The following SLC16A10 variants were observed in gnomAD, a reference collection of about 807,000 sequenced individuals.
The protein encoded by SLC16A10 is solute carrier family 16 member 10.
In SLC16A10, 27 loss-of-function variants were observed where a neutral mutation model predicts 40.0. The observed-to-expected ratio is 0.67, with a 90% CI of 0.50 to 0.93. SLC16A10 has a LOEUF of 0.93. SLC16A10 is among the 40% of genes least tolerant of loss of function. The probability of loss-of-function intolerance (pLI) is 0.00; values close to 1 mark genes in which losing one functional copy is unlikely to be tolerated. For missense variants in SLC16A10, 529 were observed against 658.2 expected (o/e 0.80, Z 2.15); for synonymous variants, 213 against 249.8 (o/e 0.85, Z 1.39).
intron 1 of SLC16A10, among the ~76,000 whole-genome samples, chr6:111,124,206 A>G (rs1347240700): frequency 6.6e-6 from 1 of 152,134 alleles, no homozygotes. Flanking sequence ...GGCCATAGAA[A>G]TATAGGGAAC....
chr6:111,172,290 G>C (rs1772599778), intron 1 of SLC16A10, among the ~76,000 whole-genome samples: 1 of 152,132 alleles, frequency 6.6e-6, no homozygotes, highest in African/African-American at 2.4e-5. Flanking sequence ...TTACAGACTT[G>C]ATTTCCTCAG....
chr6:111,221,173 A>ATAC, intron 5 of SLC16A10, among the ~76,000 whole-genome samples: 3 of 152,220 alleles, frequency 2.0e-5, no homozygotes, highest in Non-Finnish European at 4.4e-5. Context: ...TAAAAACACT[A>ATAC]AGATAACTTT....
intron 2 of SLC16A10, among the ~76,000 whole-genome samples, chr6:111,173,983 C>G (rs1408816228): frequency 6.6e-6 from 1 of 152,136 alleles, no homozygotes. Context: ...AGAAAAGACA[C>G]AGTGCACTGA....
At chr6:111,101,968 A>G (rs1003076544) in intron 1 of SLC16A10, among the ~76,000 whole-genome samples, 1 of 152,220 alleles carries the variant, frequency 6.6e-6, no homozygotes, top group African/African-American at 2.4e-5. Context: ...TCTGTTTTTC[A>G]GTAAACGTTT....
intron 5 of SLC16A10, among the ~76,000 whole-genome samples, chr6:111,221,011 T>C (rs1052699095): frequency 2.6e-5 from 4 of 152,214 alleles, no homozygotes; most frequent in African/African-American, 9.7e-5. Context: ...CTATTTTATA[T>C]ATGCAGAATG....
intron 1 of SLC16A10, among the ~76,000 whole-genome samples, chr6:111,163,432 G>A (rs1228381015): frequency 2.6e-5 from 4 of 152,048 alleles, no homozygotes; most frequent in Non-Finnish European, 4.4e-5. Flanking sequence ...GATTACAGGC[G>A]TGAGCCACCG....
intron 1 of SLC16A10, chr6:111,091,391 G>A (rs1770972603): frequency 6.6e-6 from 1 of 152,074 alleles, no homozygotes; most frequent in African/African-American, 2.4e-5. Flanking sequence ...CTGCAAATAC[G>A]ATGTTTTTTA....
At chr6:111,161,836 AT>A (rs1451629921) in intron 1 of SLC16A10, among the ~76,000 whole-genome samples, 3 of 151,582 alleles carry the variant, frequency 2.0e-5, no homozygotes, top group Non-Finnish European at 4.4e-5. Context: ...CTTTGGTCTT[AT>A]TTTCCCAAAC....
intron 1 of SLC16A10, among the ~76,000 whole-genome samples, chr6:111,118,773 T>G (rs1354831423): frequency 6.6e-6 from 1 of 150,406 alleles, no homozygotes; most frequent in African/African-American, 2.4e-5. Context: ...CTCAAAGCAG[T>G]TGAGAATAGG....
intron 4 of SLC16A10, among the ~76,000 whole-genome samples, chr6:111,217,533 T>TC (rs1216903708): frequency 6.6e-6 from 1 of 152,136 alleles, no homozygotes; most frequent in East Asian, 1.9e-4. Flanking sequence ...CACTGCAAGC[T>TC]CCACCCCCCG....
chr6:111,225,858 T>TA lies in SLC16A10; in HGVS notation c.*3623_*3624insA, dbSNP rs1770987019. ...TCTTCTTACATTATTCTTATCCTCA[T>TA]CATTTTTTCATTTCCCTTTACTTCC... On this transcript the variant is annotated 3_prime_UTR_variant, in exon 6 of 6. Transcript: ENST00000368851. 1 of 152,200 alleles carries TA rather than the reference T, an allele frequency of 6.6e-6. No individual in the cohort carries two copies. The allele number at this position is 152,200 out of a possible 1,614,324, so 9.4% of individuals were successfully genotyped here. A position where few individuals can be genotyped will look rare whatever the true frequency, so the allele number is the denominator to read the frequency against.
intron 1 of SLC16A10, among the ~76,000 whole-genome samples, chr6:111,113,436 G>C (rs1384607462): frequency 6.6e-6 from 1 of 152,172 alleles, no homozygotes; most frequent in Non-Finnish European, 1.5e-5. Context: ...CATGGAAAGG[G>C]GAAGAAGAAG....
At chr6:111,153,449 G>A (rs1772209330) in intron 1 of SLC16A10, among the ~76,000 whole-genome samples, 1 of 152,062 alleles carries the variant, frequency 6.6e-6, no homozygotes, top group African/African-American at 2.4e-5. Context: ...GTGGGAGGTT[G>A]GCTTGAGCCT....
intron 3 of SLC16A10, among the ~76,000 whole-genome samples, chr6:111,179,771 A>G (rs912898112): frequency 6.6e-6 from 1 of 152,182 alleles, no homozygotes; most frequent in East Asian, 1.9e-4. Flanking sequence ...ATATGTTGAC[A>G]TTGTTCATTT....
At chr6:111,194,486 C>T (rs1000535667) in intron 3 of SLC16A10, among the ~76,000 whole-genome samples, 13 of 152,110 alleles carry the variant, frequency 8.5e-5, no homozygotes, top group African/African-American at 2.7e-4. Flanking sequence ...ATGCCCAGTG[C>T]TTTGTGCCTT....
At chr6:111,142,690 A>T (rs1772005170) in intron 1 of SLC16A10, among the ~76,000 whole-genome samples, 1 of 152,264 alleles carries the variant, frequency 6.6e-6, no homozygotes, top group Non-Finnish European at 1.5e-5. Context: ...CACTTATTAG[A>T]ATGGCCAAAA....
rs922469623 is a variant in SLC16A10, at chr6:111,226,897, C to G, written c.*4662C>G. The G allele has an allele frequency of 4.6e-5, 7 of 152,260 alleles. No homozygotes were observed. Among genetic ancestry groups the G allele is most frequent in the African/African-American group, 1.7e-4 (7 of 41,446 alleles). The allele number at this position is 152,260 out of a possible 1,614,324, so 9.4% of individuals were successfully genotyped here. On this transcript the variant is annotated 3_prime_UTR_variant, in exon 6 of 6. Coordinates refer to ENST00000368851, the MANE Select transcript of SLC16A10 (RefSeq NM_018593.5). ...CTGTAATCCCAGCACTTTGGGAGTCCAAGGCGGTAGGATCACCAGAGCCCA... is the reference window on the plus strand; with the variant it reads ...CTGTAATCCCAGCACTTTGGGAGTCGAAGGCGGTAGGATCACCAGAGCCCA...
chr6:111,113,125 A>C (rs1771419748), intron 1 of SLC16A10, among the ~76,000 whole-genome samples: 1 of 152,226 alleles, frequency 6.6e-6, no homozygotes, highest in Non-Finnish European at 1.5e-5. Flanking sequence ...TAACAAATTA[A>C]ATAATTTAGG....
intron 1 of SLC16A10, among the ~76,000 whole-genome samples, chr6:111,095,178 T>C (rs1327923069): frequency 6.6e-6 from 1 of 152,238 alleles, no homozygotes; most frequent in Non-Finnish European, 1.5e-5. Context: ...CTGGTCTTTG[T>C]GTTCTAGCCA....
Sources: allele counts gnomAD v4.1 joint callset (sites outside exome capture counted in the v4.1 genomes callset), GRCh38; gene constraint gnomAD v4.1.1; transcripts MANE v1.5; gene names NCBI Gene and HGNC (gene_info 2026-07-23, HGNC 2026-07-21).